Variants in ABCA13 observed in about 807,000 individuals in gnomAD.
The protein encoded by ABCA13 is ATP binding cassette subfamily A member 13.
Under a neutral mutation model 478.7 loss-of-function variants are expected in ABCA13, and 476 were observed. The ratio of observed to expected loss-of-function variants is 0.99; its 90% CI spans 0.92 to 1.07. ABCA13 has a LOEUF of 1.07. Ranked by LOEUF, ABCA13 falls within the 50% of genes least tolerant of loss-of-function variation. The pLI is 0.00. For synonymous variants in ABCA13, 2,252 were observed against 2,158.9 expected, an observed-to-expected ratio of 1.04 and a Z score of -1.20; for missense variants, 6,060 against 5,910.6, an observed-to-expected ratio of 1.03 and a Z score of -0.83.
intron 1 of ABCA13, among the ~76,000 whole-genome samples, chr7:48,183,103 A>T (rs1795910284): frequency 6.6e-6 from 1 of 152,132 alleles, no homozygotes; most frequent in African/African-American, 2.4e-5. Context: ...AGCTTCCTGG[A>T]TATTCTAAAC....
Position 48,192,964 on chromosome 7 carries a change from T to G in ABCA13, c.75T>G (p.Leu25=). 8 of 1,521,292 alleles carry G rather than the reference T, an allele frequency of 5.3e-6. No homozygotes were observed. The highest frequency in any genetic ancestry group is 6.1e-6 in the Non-Finnish European group (7 of 1,142,590). 94.2% of individuals were successfully genotyped at this position (1,521,292 alleles called of 1,614,324 possible). Residue 25 remains leucine (L), a synonymous_variant, in exon 2 of 62, where the codon CTT becomes CTG. Transcript: ENST00000435803. The part of the protein sequence containing the change: ...NWLCRLRNPV[L]FLAEFFWPCI... ...TTTTTTTTTTAATTTTCTAGGTCCTTTTCCTTGCTGAATTCTTCTGGCCTT... is the reference window on the plus strand; with the variant it reads ...TTTTTTTTTTAATTTTCTAGGTCCTGTTCCTTGCTGAATTCTTCTGGCCTT...
At chr7:48,173,739 CT>C in intron 1 of ABCA13, among the ~76,000 whole-genome samples, 1 of 152,326 alleles carries the variant, frequency 6.6e-6, no homozygotes, top group East Asian at 1.9e-4. Context: ...CTGTCACTTA[CT>C]AGTTTACTTT....
intron 42 of ABCA13, among the ~76,000 whole-genome samples, chr7:48,444,881 A>G (rs17729863): frequency 0.3 from 45,119 of 151,972 alleles, 6,744 homozygotes; most frequent in East Asian, 0.37. Context: ...TACCTAGTTT[A>G]CAAACCAGAA....
At chr7:48,576,775 C>T (rs967193389) in intron 55 of ABCA13, among the ~76,000 whole-genome samples, 2 of 152,004 alleles carry the variant, frequency 1.3e-5, no homozygotes, top group African/African-American at 4.8e-5. Flanking sequence ...ACCACTGAGA[C>T]AGCCACCAGT....
chr7:48,234,155 C>A lies in ABCA13; in HGVS notation c.897+4C>A, dbSNP rs1202752645. On this transcript the variant is annotated splice_donor_region_variant and intron_variant, in intron 8 of 61. Transcript: ENST00000435803. ...CTCTTCAGCTGAACTGAAGGAGGTA[C>A]ACATGCTTGACTGCTTCTCACACCG... 1 of 1,613,878 alleles carries A rather than the reference C, an allele frequency of 6.2e-7. No individual in the cohort carries two copies. The highest frequency in any genetic ancestry group is 2.2e-5 in the East Asian group (1 of 44,876).
chr7:48,219,426 C>A lies in ABCA13; in HGVS notation c.360C>A (p.Asp120Glu). 4 of 1,613,062 alleles carry A rather than the reference C, an allele frequency of 2.5e-6. No individual in the cohort carries two copies. The highest frequency in any genetic ancestry group is 3.4e-6 in the Non-Finnish European group (4 of 1,179,522). The change falls in exon 4 of 62, where the codon GAC becomes GAA. Residue 120 changes from aspartate (D) to glutamate (E), a missense_variant. Transcript: ENST00000435803. ...TGGCCTTTTTAAAAGAGATACAAGA[C>A]CTGGCAGAGGAAATTCATGGAATGA... ...NNLAFLKEIQ[D>E]LAEEIHGMMD...
At chr7:48,235,492 A>G (rs1490164539) in intron 8 of ABCA13, among the ~76,000 whole-genome samples, 1 of 152,228 alleles carries the variant, frequency 6.6e-6, no homozygotes, top group Non-Finnish European at 1.5e-5. Flanking sequence ...ATTGTACATC[A>G]TGTGTGTGAG....
chr7:48,520,331 C>A, intron 53 of ABCA13, 37 bp downstream of exon 53: 1 of 1,544,942 alleles, frequency 6.5e-7, no homozygotes, highest in Non-Finnish European at 8.7e-7. Flanking sequence ...GCTGCACTTA[C>A]TCCTGCAAAA....
intron 54 of ABCA13, among the ~76,000 whole-genome samples, chr7:48,527,964 T>G (rs1408029233): frequency 6.6e-6 from 1 of 152,170 alleles, no homozygotes; most frequent in Admixed American, 6.5e-5. Flanking sequence ...CTCTTGAGTT[T>G]TCCACACATG....
At chr7:48,237,546 A>G (rs1195835226) in intron 8 of ABCA13, among the ~76,000 whole-genome samples, 1 of 152,108 alleles carries the variant, frequency 6.6e-6, no homozygotes. Context: ...GACTTCTCTC[A>G]CTCTCATAAT....
At chr7:48,350,025 C>T (rs957168880) in intron 29 of ABCA13, among the ~76,000 whole-genome samples, 8 of 152,174 alleles carry the variant, frequency 5.3e-5, no homozygotes, top group Admixed American at 2.6e-4. Flanking sequence ...CTGAGATATC[C>T]TCAGCCTTTT....
chr7:48,192,977 T>G lies in ABCA13; in HGVS notation c.88T>G (p.Phe30Val). The G allele has an allele frequency of 6.5e-7, 1 of 1,528,892 alleles. No homozygotes were observed. Among genetic ancestry groups the G allele is most frequent in the South Asian group, 1.2e-5 (1 of 80,696 alleles). The allele number at this position is 1,528,892 out of a possible 1,614,324, so 94.7% of individuals were successfully genotyped here. The change falls in exon 2 of 62, where the codon TTC becomes GTC. Residue 30 changes from phenylalanine to valine, a missense_variant. Transcript: ENST00000435803. ...LRNPVLFLAE[F>V]FWPCILFVIL... is the part of the protein sequence containing the mutation. ...TTTCTAGGTCCTTTTCCTTGCTGAA[T>G]TCTTCTGGCCTTGTATCCTGTTTGT... is the stretch of plus-strand genomic sequence containing the variant.
intron 31 of ABCA13, among the ~76,000 whole-genome samples, chr7:48,359,046 T>C (rs984419265): frequency 6.6e-6 from 1 of 152,012 alleles, no homozygotes; most frequent in Non-Finnish European, 1.5e-5. Context: ...CGCAGGACCT[T>C]GGGCCAGTTT....
intron 38 of ABCA13, among the ~76,000 whole-genome samples, chr7:48,401,899 T>G (rs1817663621): frequency 6.6e-6 from 1 of 152,188 alleles, no homozygotes; most frequent in Admixed American, 6.5e-5. Context: ...GTCAGTTTAA[T>G]GCTAACCAGT....
At chr7:48,414,544 A>C (rs537523056) in intron 41 of ABCA13, among the ~76,000 whole-genome samples, 1 of 149,962 alleles carries the variant, frequency 6.7e-6, no homozygotes, top group Non-Finnish European at 1.5e-5. Context: ...AATAATACAT[A>C]TATATTACAC....
Position 48,278,302 on chromosome 7 carries a change from C to A in ABCA13, c.7108C>A (p.Leu2370Ile). 6.2e-7 allele frequency: 1 copy of A among 1,612,496 alleles called. No individual in the cohort carries two copies. Among genetic ancestry groups the A allele is most frequent in the Non-Finnish European group, 8.5e-7 (1 of 1,179,022 alleles). Residue 2370 changes from leucine (L) to isoleucine (I), a missense_variant, in exon 18 of 62, where the codon CTC becomes ATC. Leu to Ile is a conservative substitution (Grantham distance 5). Coordinates refer to ENST00000435803, the MANE Select transcript of ABCA13 (RefSeq NM_152701.5). Reference sequence around the variant, plus strand: ...CATGCAAGATTTATTTAATGCCCTTCTCAGGGAAACTTCAATGAAAAATAA... The same window carrying A: ...CATGCAAGATTTATTTAATGCCCTTATCAGGGAAACTTCAATGAAAAATAA... ...KFMQDLFNAL[L>I]RETSMKNKTE... is the part of the protein sequence containing the mutation.
intron 38 of ABCA13, among the ~76,000 whole-genome samples, chr7:48,402,024 G>A (rs1349609807): frequency 6.6e-6 from 1 of 152,184 alleles, no homozygotes; most frequent in Admixed American, 6.5e-5. Flanking sequence ...TGAAGGTTCT[G>A]TGAAGGACTG....
At position 48,637,381 on chromosome 7, in the gene ABCA13, C is replaced by CAAAAAAAAAAAAAA. The variant is rs1156643955; in HGVS notation, c.14838-5895_14838-5882dup. ...TGTTTTCTTTATTATGTTCATAAAG[C>CAAAAAAAAAAAAAA]AAAAAAAAAAAAAAAAAAAAAAAAA... On this transcript the variant is annotated intron_variant, in intron 59 of 61. Transcript: ENST00000435803. Among the ~76,000 whole-genome samples, 51 of 20,254 alleles carry CAAAAAAAAAAAAAA rather than the reference C, an allele frequency of 2.5e-3. 6 individuals carry two copies. Among genetic ancestry groups the CAAAAAAAAAAAAAA allele is most frequent in the East Asian group, 3.5e-3 (2 of 574 alleles). The allele number at this position is 20,254 out of a possible 152,430, so 13.3% of individuals were successfully genotyped here.
At chr7:48,530,878 C>T (rs781357113) in intron 55 of ABCA13, among the ~76,000 whole-genome samples, 7 of 152,052 alleles carry the variant, frequency 4.6e-5, no homozygotes, top group Non-Finnish European at 8.8e-5. Flanking sequence ...TTTGTAGATT[C>T]TGGATCTTAG....
Sources: gnomAD v4.1 joint callset for allele counts (sites outside exome capture counted in the v4.1 genomes callset) on GRCh38, gnomAD v4.1.1 for gene constraint, MANE v1.5 for transcripts, NCBI Gene and HGNC (gene_info 2026-07-23, HGNC 2026-07-21) for gene names.